CACFD1: variants seen among roughly 807,000 people sequenced by gnomAD.
CACFD1 encodes calcium channel flower domain containing 1, also known as calcium channel flower homolog.
A neutral mutation model predicts 21.3 loss-of-function variants in CACFD1; 26 were observed. The observed-to-expected ratio is 1.22, with a 90% CI of 0.89 to 1.69. The LOEUF (loss-of-function observed/expected upper bound fraction) is 1.69, where lower values mean the gene tolerates loss of function less well. Among genes scored for constraint, CACFD1 ranks in the 40% most tolerant of loss-of-function variants. The pLI, the probability that CACFD1 is intolerant of heterozygous loss-of-function variation, is 0.00. For missense variants in CACFD1, 265 were observed against 236.2 expected (o/e 1.12, Z -0.80); for synonymous variants, 121 against 106.6 (o/e 1.13, Z -0.83).
chr9:133,461,888 C>T, intron 1 of CACFD1: 1 of 985,344 alleles, frequency 1.0e-6, no homozygotes, highest in Non-Finnish European at 1.2e-6. Context: ...CCGGGCTGGT[C>T]CTTGGGTAAG....
intron 2 of CACFD1, among the ~76,000 whole-genome samples, chr9:133,464,117 C>T (rs1035444463): frequency 1.3e-5 from 2 of 152,212 alleles, no homozygotes; most frequent in Admixed American, 6.5e-5. Context: ...GCCATCCCAT[C>T]GGAAGGGAAG....
In CACFD1 at chr9:133,465,556, T is replaced by C; in HGVS notation, c.320+109T>C. 1 of 1,147,590 alleles carries C rather than the reference T, an allele frequency of 8.7e-7. No homozygotes were observed. The highest frequency in any genetic ancestry group is 1.5e-5 in the African/African-American group (1 of 64,878). 71.1% of individuals were successfully genotyped at this position (1,147,590 alleles called of 1,614,324 possible). ...GGGCAGTGTATTCAGTTCCTCTCTG[T>C]GGAAGTGTAAACTGGGATTGCCTTT... On this transcript the variant is annotated intron_variant, in intron 3 of 4. Transcript: ENST00000316948. This position sits in a 1 kb window ranked among gnomAD's most constrained non-coding sequence, Gnocchi z 5.0.
intron 2 of CACFD1, 81 bp downstream of exon 2, chr9:133,463,636 C>A: frequency 6.8e-7 from 1 of 1,461,770 alleles, no homozygotes; most frequent in Non-Finnish European, 9.6e-7. Flanking sequence ...AGAGGAGTGG[C>A]AGGGGCCGTG....
chr9:133,464,088 C>A (rs1843331996), intron 2 of CACFD1, among the ~76,000 whole-genome samples: 3 of 152,260 alleles, frequency 2.0e-5, no homozygotes, highest in Admixed American at 6.5e-5. Context: ...GTTCCATGCC[C>A]ACCTCCTGCC....
Position 133,470,206 on chromosome 9 carries a change from TG to T in CACFD1, c.*1554del, listed in dbSNP as rs1843631817. 2 of 150,766 alleles carry T rather than the reference TG, an allele frequency of 1.3e-5. No individual in the cohort carries two copies. Among genetic ancestry groups the T allele is most frequent in the Non-Finnish European group, 2.9e-5 (2 of 67,876 alleles). The allele number at this position is 150,766 out of a possible 1,614,324, so 9.3% of individuals were successfully genotyped here. A position where few individuals can be genotyped will look rare whatever the true frequency, so the allele number is the denominator to read the frequency against. On this transcript the variant is annotated 3_prime_UTR_variant, in exon 5 of 5. Coordinates refer to ENST00000316948, the MANE Select transcript of CACFD1 (RefSeq NM_017586.5). ...TCAAAGGGCTGTGTGTGTGTGTGTGTGTGTGTGTGTGTGTGTGTGTATGTAT... is the reference window on the plus strand; with the variant it reads ...TCAAAGGGCTGTGTGTGTGTGTGTGTTGTGTGTGTGTGTGTGTGTATGTAT...
At chr9:133,460,234 T>C (rs1588219451) in intron 1 of CACFD1, 47 bp downstream of exon 1, 2 of 1,473,406 alleles carry the variant, frequency 1.4e-6, no homozygotes, top group East Asian at 2.8e-5. Flanking sequence ...GCGCATGCGC[T>C]CCTCGCCCTG....
In CACFD1 at chr9:133,460,147, C is replaced by T. The variant is rs148657560; in HGVS notation, c.81C>T (p.Tyr27=). ...PAQEEGMTWW[Y]RWLCRLSGVL... is the part of the protein sequence containing the mutation. ...AGGAAGAGGGCATGACGTGGTGGTA[C>T]CGCTGGCTGTGTCGCCTGTCTGGGG... is the stretch of plus-strand genomic sequence containing the variant. Residue 27 remains tyrosine, a synonymous_variant, in exon 1 of 5, where the codon TAC becomes TAT. Coordinates refer to ENST00000316948, the MANE Select transcript of CACFD1 (RefSeq NM_017586.5). 547 of 1,560,024 alleles carry T rather than the reference C, an allele frequency of 3.5e-4. 5 individuals are homozygous for T. The East Asian group carries it at 9.4e-3, about 27-fold the overall frequency.
rs1189854060 is a variant in CACFD1, at chr9:133,470,103, TG to T, written c.*1452del. The T allele has an allele frequency of 6.5e-6, 1 of 152,714 alleles. No individual in the cohort carries two copies. Among genetic ancestry groups the T allele is most frequent in the Non-Finnish European group, 1.5e-5 (1 of 68,258 alleles). 9.5% of individuals were successfully genotyped at this position (152,714 alleles called of 1,614,324 possible). ...GAGTCTGGCCAGCTGAGCCCCAGGG[TG>T]GCAGGGGCATTATAGCCTGGTGGAC... On this transcript the variant is annotated 3_prime_UTR_variant, in exon 5 of 5. Coordinates refer to ENST00000316948, the MANE Select transcript of CACFD1 (RefSeq NM_017586.5).
chr9:133,468,028 A>C lies in CACFD1; in HGVS notation c.428A>C (p.Lys143Thr), dbSNP rs1364758890. 1 of 1,612,368 alleles carries C rather than the reference A, an allele frequency of 6.2e-7. No individual in the cohort carries two copies. Among genetic ancestry groups the C allele is most frequent in the Non-Finnish European group, 8.5e-7 (1 of 1,178,886 alleles). The change falls in exon 4 of 5, where the codon AAG (lysine) becomes ACG (threonine). Residue 143 changes from lysine (K) to threonine (T), a missense_variant and splice_region_variant. Transcript: ENST00000316948. ...VLYGLSALGKKGDAISYARIQ... is the reference protein window; with the variant it reads ...VLYGLSALGKTGDAISYARIQ... ...TACGGACTCTCTGCTCTGGGCAAAA[A>C]GTGCGTCTGCCAGGCCCAGCCCCTG...
In CACFD1 at chr9:133,459,990, A is replaced by C. The variant is rs1843056967; in HGVS notation, c.-77A>C. 1.4e-6 allele frequency: 2 copies of C among 1,447,668 alleles called. No homozygotes were observed. The highest frequency in any genetic ancestry group is 2.8e-5 in the South Asian group (2 of 72,486). 89.7% of individuals were successfully genotyped at this position (1,447,668 alleles called of 1,614,324 possible). A position where few individuals can be genotyped will look rare whatever the true frequency, so the allele number is the denominator to read the frequency against. ...ATGCTAATATGCTCCCTCTCCCACA[A>C]GGCAGCGCGCCGGCTCGGACGCGGC... On this transcript the variant is annotated 5_prime_UTR_variant, in exon 1 of 5. Coordinates refer to ENST00000316948, the MANE Select transcript of CACFD1 (RefSeq NM_017586.5).
chr9:133,460,218 C>T (rs374585220), intron 1 of CACFD1, 31 bp downstream of exon 1: 93 of 1,504,630 alleles, frequency 6.2e-5, no homozygotes, highest in Admixed American at 1.5e-4. Flanking sequence ...AGGGGCCGGC[C>T]CCGCCGCGCA....
At chr9:133,466,330 C>T (rs949241607) in intron 3 of CACFD1, among the ~76,000 whole-genome samples, 19 of 152,196 alleles carry the variant, frequency 1.2e-4, no homozygotes, top group African/African-American at 4.6e-4. Context: ...ACTCGAAGCC[C>T]GCTGCCTGCT....
At chr9:133,466,118 G>A (rs587596256) in intron 3 of CACFD1, among the ~76,000 whole-genome samples, 4 of 152,272 alleles carry the variant, frequency 2.6e-5, no homozygotes, top group East Asian at 1.9e-4. Flanking sequence ...AGAGAGGCCC[G>A]GTAGTTTTGA....
chr9:133,463,249 C>T (rs1843287559), intron 1 of CACFD1, among the ~76,000 whole-genome samples: 1 of 152,200 alleles, frequency 6.6e-6, no homozygotes, highest in Non-Finnish European at 1.5e-5. Flanking sequence ...CTGTGAGATC[C>T]ACCTGCCACC....
In CACFD1 at chr9:133,463,524, C is replaced by A; in HGVS notation, c.163C>A (p.Pro55Thr). ...CCTCTTCAACTGCATCACCATCCAC[C>A]CTCTGAACATTGCGGCCGGCGTGTG... Reference protein sequence around the residue: ...SGLFNCITIHPLNIAAGVWMI... With the variant: ...SGLFNCITIHTLNIAAGVWMI... The change falls in exon 2 of 5, where the codon CCT becomes ACT. Residue 55 changes from proline (P) to threonine (T), a missense_variant. By Grantham distance (38) the Pro-to-Thr change is conservative (BLOSUM62 -1). Transcript: ENST00000316948. 6.2e-7 allele frequency: 1 copy of A among 1,614,168 alleles called. No homozygotes were observed. The highest frequency in any genetic ancestry group is 8.5e-7 in the Non-Finnish European group (1 of 1,180,022).
chr9:133,468,009 C>A lies in CACFD1; in HGVS notation c.409C>A (p.Leu137Ile), dbSNP rs1237778773. 6.2e-7 allele frequency: 1 copy of A among 1,613,644 alleles called. No individual in the cohort carries two copies. The highest frequency in any genetic ancestry group is 1.7e-5 in the Admixed American group (1 of 59,992). ...CTTTGCTACGGGGGTGCTGTACGGACTCTCTGCTCTGGGCAAAAAGTGCGT... is the reference window on the plus strand; with the variant it reads ...CTTTGCTACGGGGGTGCTGTACGGAATCTCTGCTCTGGGCAAAAAGTGCGT... ...IAFATGVLYG[L>I]SALGKKGDAI... The change falls in exon 4 of 5, where the codon CTC becomes ATC. Residue 137 changes from leucine (L) to isoleucine (I), a missense_variant. Leu to Ile is a conservative substitution (Grantham distance 5, BLOSUM62 2). Transcript: ENST00000316948.
chr9:133,463,859 C>T (rs959695569), intron 2 of CACFD1, among the ~76,000 whole-genome samples: 12 of 152,272 alleles, frequency 7.9e-5, no homozygotes, highest in African/African-American at 2.9e-4. Flanking sequence ...TCTGGAGCAT[C>T]CACTGAGACT....
At chr9:133,461,880 G>A (rs372943587) in intron 1 of CACFD1, 2 of 985,414 alleles carry the variant, frequency 2.0e-6, no homozygotes, top group East Asian at 1.1e-4. Flanking sequence ...GTTGTGTGCC[G>A]GGCTGGTCCT....
At position 133,460,207 on chromosome 9, in the gene CACFD1, GA is replaced by G; in HGVS notation, c.121+21del. On this transcript the variant is annotated intron_variant, in intron 1 of 4. Transcript: ENST00000316948. ...CAGTCTGTGAGTATCCAGTCGGGGA[GA>G]GGGGCCGGCCCCGCCGCGCATGCGC... 2 of 1,519,172 alleles carry G rather than the reference GA, an allele frequency of 1.3e-6. No homozygotes were observed. Among genetic ancestry groups the G allele is most frequent in the South Asian group, 1.2e-5 (1 of 81,342 alleles). The allele number at this position is 1,519,172 out of a possible 1,614,324, so 94.1% of individuals were successfully genotyped here.
Sources: gnomAD v4.1 joint callset for allele counts (sites outside exome capture counted in the v4.1 genomes callset) on GRCh38, gnomAD v4.1.1 for gene constraint, Gnocchi (gnomAD v3.1) non-coding constraint, MANE v1.5 for transcripts, NCBI Gene and HGNC (gene_info 2026-07-23, HGNC 2026-07-21) for gene names.